GMDS: variants seen among roughly 807,000 people sequenced by gnomAD.
GMDS encodes the protein GDP-mannose 4,6-dehydratase, also known as GDP-mannose 4,6 dehydratase.
In GMDS, 20 loss-of-function variants were observed where a neutral mutation model predicts 49.9. The ratio of observed to expected loss-of-function variants is 0.40; its 90% CI spans 0.28 to 0.58. GMDS has a LOEUF of 0.58. Among genes scored for constraint, GMDS ranks in the 20% least tolerant of loss-of-function variants. The pLI, the probability that GMDS is intolerant of heterozygous loss-of-function variation, is 0.42. For synonymous variants in GMDS, 177 were observed against 178.6 expected, an observed-to-expected ratio of 0.99 and a Z score of 0.07; for missense variants, 362 against 481.4, an observed-to-expected ratio of 0.75 and a Z score of 2.32.
chr6:1,945,217 A>G (rs1763022353), intron 6 of GMDS, among the ~76,000 whole-genome samples: 1 of 152,028 alleles, frequency 6.6e-6, no homozygotes. Flanking sequence ...CTAGTGACTT[A>G]GCCTCTCTGC....
chr6:2,200,275 C>A (rs1442104514), intron 1 of GMDS, among the ~76,000 whole-genome samples: 1 of 151,954 alleles, frequency 6.6e-6, no homozygotes, highest in Non-Finnish European at 1.5e-5. Flanking sequence ...GGGATGGGAG[C>A]CTCAGTAGAA....
At chr6:2,228,144 T>C (rs1780903494) in intron 1 of GMDS, among the ~76,000 whole-genome samples, 1 of 152,202 alleles carries the variant, frequency 6.6e-6, no homozygotes, top group Non-Finnish European at 1.5e-5. Context: ...CTGAGTGTGC[T>C]TGGTTCCTCT....
chr6:1,657,023 C>T (rs1187874191), intron 9 of GMDS, among the ~76,000 whole-genome samples: 2 of 152,208 alleles, frequency 1.3e-5, no homozygotes, highest in Non-Finnish European at 2.9e-5. Flanking sequence ...CCACTCTGCC[C>T]TGTCCACTTG....
At chr6:1,914,666 T>C (rs770422760) in intron 7 of GMDS, among the ~76,000 whole-genome samples, 1 of 152,108 alleles carries the variant, frequency 6.6e-6, no homozygotes, top group Non-Finnish European at 1.5e-5. Context: ...GGTGCGCCCC[T>C]CACAATGTCA....
At chr6:2,240,322 G>A (rs1389949600) in intron 1 of GMDS, among the ~76,000 whole-genome samples, 1 of 152,178 alleles carries the variant, frequency 6.6e-6, no homozygotes, top group African/African-American at 2.4e-5. Context: ...TTAACACTAT[G>A]GAGGGAAGGT....
chr6:1,905,377 G>C (rs1166301461), intron 7 of GMDS, among the ~76,000 whole-genome samples: 2 of 149,534 alleles, frequency 1.3e-5, no homozygotes, highest in African/African-American at 5.0e-5. Context: ...CCAGCACATA[G>C]CTGTGGGTGC....
At chr6:2,160,330 T>C (rs952914323) in intron 1 of GMDS, among the ~76,000 whole-genome samples, 1 of 152,218 alleles carries the variant, frequency 6.6e-6, no homozygotes, top group Non-Finnish European at 1.5e-5. Flanking sequence ...ACTAAATATG[T>C]AACACAGCTT....
At chr6:1,906,589 C>T (rs139459781) in intron 7 of GMDS, among the ~76,000 whole-genome samples, 2 of 152,144 alleles carry the variant, frequency 1.3e-5, no homozygotes, top group Non-Finnish European at 1.5e-5. Context: ...CTATGATACT[C>T]TAGTTTTTCA....
chr6:1,997,274 C>A (rs540500399), intron 4 of GMDS, among the ~76,000 whole-genome samples: 1 of 151,858 alleles, frequency 6.6e-6, no homozygotes, highest in Non-Finnish European at 1.5e-5. Context: ...CTTTGGGAGG[C>A]CAAGGTGGGC....
chr6:1,894,160 C>A (rs1157989872), intron 7 of GMDS, among the ~76,000 whole-genome samples: 3 of 152,170 alleles, frequency 2.0e-5, no homozygotes, highest in African/African-American at 7.2e-5. Context: ...AAATCACGAC[C>A]TATCATGTTC....
chr6:1,677,416 T>C (rs1764659408), intron 9 of GMDS, among the ~76,000 whole-genome samples: 1 of 152,252 alleles, frequency 6.6e-6, no homozygotes, highest in East Asian at 1.9e-4. Flanking sequence ...GAACTAGAAA[T>C]ACCATTTGAC....
At chr6:1,722,127 T>C (rs1268245901) in intron 9 of GMDS, among the ~76,000 whole-genome samples, 1 of 142,782 alleles carries the variant, frequency 7.0e-6, no homozygotes, top group East Asian at 2.1e-4. Context: ...AGTGCAGTGG[T>C]GTGATCTTGG....
At chr6:2,143,546 T>C (rs1351043391) in intron 1 of GMDS, among the ~76,000 whole-genome samples, 1 of 152,190 alleles carries the variant, frequency 6.6e-6, no homozygotes, top group Non-Finnish European at 1.5e-5. Flanking sequence ...TAATTTTTTT[T>C]AAAAGCAGAA....
intron 1 of GMDS, among the ~76,000 whole-genome samples, chr6:2,173,447 G>A (rs1180754173): frequency 6.6e-6 from 1 of 152,152 alleles, no homozygotes; most frequent in East Asian, 1.9e-4. Context: ...GTTTTTACAG[G>A]GCATGGAGGG....
chr6:2,082,096 C>T (rs1360239445), intron 4 of GMDS, among the ~76,000 whole-genome samples: 1 of 152,144 alleles, frequency 6.6e-6, no homozygotes, highest in Non-Finnish European at 1.5e-5. Context: ...CAATTATATG[C>T]ATAGTAATAA....
intron 7 of GMDS, among the ~76,000 whole-genome samples, chr6:1,878,080 G>A (rs544564842): frequency 7.2e-5 from 11 of 152,172 alleles, no homozygotes; most frequent in East Asian, 1.9e-4. Context: ...CTGGGAGGCC[G>A]AGGTGGGCAG....
In GMDS at chr6:2,110,636, T is replaced by G. The variant is rs1396383085; in HGVS notation, c.345+5135A>C. On this transcript the variant is annotated intron_variant, in intron 4 of 10. Coordinates refer to ENST00000380815, the MANE Select transcript of GMDS (RefSeq NM_001500.4). The stretch of plus-strand genomic sequence containing the variant: ...CTTCCACAGTCAGAATCTGCTAACT[T>G]GTCCCGCACAACTCTGTGAGGAAAT... 2.0e-5 allele frequency among the ~76,000 whole-genome samples: 3 copies of G among 152,224 alleles called. No homozygotes were observed. In the East Asian group the frequency reaches 5.8e-4, roughly 30 times the overall value.
chr6:1,665,712 G>T (rs549870961), intron 9 of GMDS, among the ~76,000 whole-genome samples: 22 of 151,796 alleles, frequency 1.4e-4, no homozygotes, highest in Non-Finnish European at 2.9e-4. Flanking sequence ...ACATACTCCT[G>T]CCTCGATGGG....
At chr6:2,046,379 T>C (rs1016892624) in intron 4 of GMDS, among the ~76,000 whole-genome samples, 1 of 152,218 alleles carries the variant, frequency 6.6e-6, no homozygotes, top group African/African-American at 2.4e-5. Flanking sequence ...GAAATACCCA[T>C]TAATCAAACC....
Sources: allele counts gnomAD v4.1 joint callset (sites outside exome capture counted in the v4.1 genomes callset), GRCh38; gene constraint gnomAD v4.1.1; transcripts MANE v1.5; gene names NCBI Gene and HGNC (gene_info 2026-07-23, HGNC 2026-07-21).